Variants in CDH11 observed in about 807,000 individuals in gnomAD.
CDH11 encodes the protein cadherin-11.
In CDH11, 11 loss-of-function variants were observed where a neutral mutation model predicts 67.8. The ratio of observed to expected loss-of-function variants is 0.16; its 90% CI spans 0.10 to 0.27. The LOEUF (loss-of-function observed/expected upper bound fraction) is 0.27. CDH11 is among the 10% of genes least tolerant of loss of function. The pLI, the probability that CDH11 is intolerant of heterozygous loss-of-function variation, is 1.00. For synonymous variants in CDH11, 419 were observed against 400.0 expected (o/e 1.05, Z -0.57); for missense variants, 847 against 1,031.2 (o/e 0.82, Z 2.45).
At chr16:65,018,303 T>A (rs748080807) in intron 2 of CDH11, among the ~76,000 whole-genome samples, 1 of 152,194 alleles carries the variant, frequency 6.6e-6, no homozygotes, top group Non-Finnish European at 1.5e-5. Flanking sequence ...TTATTGGCTC[T>A]ATAAGTCAAC....
At position 65,007,225 on chromosome 16, in the gene CDH11, A is replaced by C. The variant is rs1305795168; in HGVS notation, c.-172-2184T>G. 7 of 152,310 alleles carry C rather than the reference A, an allele frequency of 4.6e-5. No individual in the cohort carries two copies. In the East Asian group the frequency reaches 1.4e-3, roughly 29 times the overall value. 9.4% of individuals were successfully genotyped at this position (152,310 alleles called of 1,614,324 possible). ...TTCTGTTTCCTTTGTAATCTGGCAA[A>C]GTGGTATCTGGGAGGCCACAGATGT... On this transcript the variant is annotated intron_variant, in intron 2 of 12. Transcript: ENST00000268603.
chr16:64,956,934 T>C (rs968777049), intron 11 of CDH11, among the ~76,000 whole-genome samples: 2 of 151,982 alleles, frequency 1.3e-5, no homozygotes, highest in Non-Finnish European at 2.9e-5. Context: ...AAGACCTTGA[T>C]AGATAGACTG....
chr16:64,943,955 C>CA lies in CDH11; in HGVS notation c.*3647dup, dbSNP rs1438467112. The CA allele has an allele frequency of 4.3e-6, 1 of 230,868 alleles. No individual in the cohort carries two copies. Among genetic ancestry groups the CA allele is most frequent in the Non-Finnish European group, 8.6e-6 (1 of 116,616 alleles). The allele number at this position is 230,868 out of a possible 1,614,324, so 14.3% of individuals were successfully genotyped here. ...TAAGTTTAAAGAGTTGTCATCGATA[C>CA]AAAATAACAAGGGTGACCTGCTTTC... On this transcript the variant is annotated 3_prime_UTR_variant, in exon 13 of 13. Coordinates refer to ENST00000268603, the MANE Select transcript of CDH11 (RefSeq NM_001797.4).
chr16:65,042,941 G>A (rs556473065), intron 2 of CDH11, among the ~76,000 whole-genome samples: 2 of 152,258 alleles, frequency 1.3e-5, no homozygotes, highest in South Asian at 2.1e-4. Flanking sequence ...TTCAGACACT[G>A]CTACTGATTT....
intron 11 of CDH11, among the ~76,000 whole-genome samples, chr16:64,964,156 A>C (rs1398241538): frequency 6.6e-6 from 1 of 152,246 alleles, no homozygotes; most frequent in African/African-American, 2.4e-5. Context: ...ATATACCGTC[A>C]TGAGTTGCTT....
intron 1 of CDH11, among the ~76,000 whole-genome samples, chr16:65,089,654 T>C (rs1024501409): frequency 2.6e-5 from 4 of 152,172 alleles, no homozygotes; most frequent in African/African-American, 9.6e-5. Context: ...TGCCACTAAA[T>C]TGCAAAGGAA....
chr16:64,982,020 C>G (rs374084469), intron 8 of CDH11, 28 bp downstream of exon 8: 1 of 1,563,608 alleles, frequency 6.4e-7, no homozygotes, highest in East Asian at 2.3e-5. Flanking sequence ...ATTCCCCATC[C>G]AAGCTCTTAA....
chr16:64,950,754 G>C lies in CDH11; in HGVS notation c.1894+13C>G. 6.2e-7 allele frequency: 1 copy of C among 1,611,070 alleles called. No homozygotes were observed. The highest frequency in any genetic ancestry group is 2.2e-5 in the East Asian group (1 of 44,788). ...CCTGGCCCTTCCTGCAGGGGACCAG[G>C]AAGCGCCCTTACCCAGGAGAATGAC... On this transcript the variant is annotated intron_variant, in intron 12 of 12. Transcript: ENST00000268603.
intron 3 of CDH11, among the ~76,000 whole-genome samples, chr16:65,002,516 C>A (rs1444872788): frequency 6.6e-6 from 1 of 152,206 alleles, no homozygotes; most frequent in Non-Finnish European, 1.5e-5. Context: ...CCAATTATTT[C>A]CATTTCCATT....
intron 11 of CDH11, among the ~76,000 whole-genome samples, chr16:64,958,917 C>T (rs574529186): frequency 6.6e-6 from 1 of 152,280 alleles, no homozygotes; most frequent in East Asian, 1.9e-4. Context: ...CAGACACAGA[C>T]ATACACACGC....
chr16:65,076,009 G>A (rs4967886), intron 1 of CDH11, among the ~76,000 whole-genome samples: 47,441 of 151,946 alleles, frequency 0.31, 8,356 homozygotes, highest in Middle Eastern at 0.43. Flanking sequence ...GAAGAAGAAG[G>A]CAGCACTCAC....
Position 65,000,839 on chromosome 16 carries a change from A to AT in CDH11, c.229-1984dup, listed in dbSNP as rs1159152874. The stretch of plus-strand genomic sequence containing the variant: ...TAAATAAATTAATTAATTAAATAAA[A>AT]TAATAAAAACTATGATTATTATCAA... On this transcript the variant is annotated intron_variant, in intron 3 of 12. Transcript: ENST00000268603. 5.9e-5 allele frequency among the ~76,000 whole-genome samples: 9 copies of AT among 152,002 alleles called. No homozygotes were observed. In the South Asian group the frequency reaches 1.9e-3, roughly 32 times the overall value.
intron 1 of CDH11, among the ~76,000 whole-genome samples, chr16:65,107,181 C>T (rs936447678): frequency 2.0e-5 from 3 of 152,154 alleles, no homozygotes; most frequent in Non-Finnish European, 4.4e-5. Flanking sequence ...CAATGAAGAA[C>T]ACGGGATCTC....
At chr16:64,967,011 T>C (rs567452304) in intron 11 of CDH11, among the ~76,000 whole-genome samples, 42 of 152,166 alleles carry the variant, frequency 2.8e-4, no homozygotes, top group Non-Finnish European at 5.6e-4. Flanking sequence ...CTTTAAATGA[T>C]GAAAGTAACT....
chr16:65,104,800 G>C (rs1045763070), intron 1 of CDH11, among the ~76,000 whole-genome samples: 4 of 152,148 alleles, frequency 2.6e-5, no homozygotes, highest in Non-Finnish European at 4.4e-5. Context: ...GAGGATGTAA[G>C]ATTTAAATCA....
chr16:64,988,023 T>C, intron 7 of CDH11, 134 bp downstream of exon 7: 1 of 638,532 alleles, frequency 1.6e-6, no homozygotes, highest in Admixed American at 2.8e-5. Flanking sequence ...AGCTCAGAGC[T>C]CAACTACAAA....
chr16:64,992,055 T>C lies in CDH11; in HGVS notation c.644-120A>G, dbSNP rs1416502257. On this transcript the variant is annotated intron_variant, in intron 5 of 12. Transcript: ENST00000268603. The stretch of plus-strand genomic sequence containing the variant: ...TATCCCATGCCCTCAGCAAGAATCA[T>C]TTCAACATGGTAATTACAACCAAAG... 7 of 638,856 alleles carry C rather than the reference T, an allele frequency of 1.1e-5. No homozygotes were observed. In the East Asian group the frequency reaches 1.6e-4, roughly 14 times the overall value. 39.6% of individuals were successfully genotyped at this position (638,856 alleles called of 1,614,324 possible).
intron 1 of CDH11, among the ~76,000 whole-genome samples, chr16:65,077,103 T>C (rs975374613): frequency 6.6e-6 from 1 of 152,170 alleles, no homozygotes; most frequent in Non-Finnish European, 1.5e-5. Context: ...CATCTTGTTA[T>C]TTCCAAGAGA....
chr16:64,976,747 TA>T (rs751903582), intron 8 of CDH11, among the ~76,000 whole-genome samples: 14 of 152,076 alleles, frequency 9.2e-5, no homozygotes, highest in Non-Finnish European at 1.6e-4. Flanking sequence ...TAATCCCAGC[TA>T]CTTGGGAGAG....
Sources: allele counts gnomAD v4.1 joint callset (sites outside exome capture counted in the v4.1 genomes callset), GRCh38; gene constraint gnomAD v4.1.1; transcripts MANE v1.5; gene names NCBI Gene and HGNC (gene_info 2026-07-23, HGNC 2026-07-21).